FGF13: variants seen among roughly 807,000 people sequenced by gnomAD.
FGF13 encodes the protein fibroblast growth factor 13, also known as fibroblast growth factor homologous factor 2.
Under a neutral mutation model 19.5 loss-of-function variants are expected in FGF13, and 2 were observed. That is an observed-to-expected ratio of 0.10 (90% CI 0.04 to 0.32). The LOEUF (loss-of-function observed/expected upper bound fraction) is 0.32. Ranked by LOEUF, FGF13 falls within the 10% of genes least tolerant of loss-of-function variation. The pLI, the probability that FGF13 is intolerant of heterozygous loss-of-function variation, is 1.00. For synonymous variants in FGF13, 72 were observed against 76.9 expected (o/e 0.94, Z 0.33); for missense variants, 113 against 192.7 (o/e 0.59, Z 2.45).
At chrX:138,860,316 G>T (rs1270639085) in intron 2 of FGF13, among the ~76,000 whole-genome samples, 1 of 111,529 alleles carries the variant, frequency 9.0e-6, no homozygotes, top group East Asian at 2.8e-4. Context: ...GACTCCAGCA[G>T]TAAGATAGGT....
At chrX:139,028,562 G>T (rs1266493876) in intron 1 of FGF13, among the ~76,000 whole-genome samples, 1 of 93,685 alleles carries the variant, frequency 1.1e-5, no homozygotes, top group African/African-American at 3.7e-5. Flanking sequence ...AGTTAAGGCA[G>T]AAGAGAGAGG....
intron 1 of FGF13, among the ~76,000 whole-genome samples, chrX:139,083,796 G>A (rs1000994451): frequency 7.2e-5 from 8 of 111,426 alleles, no homozygotes; most frequent in African/African-American, 2.6e-4. Flanking sequence ...GCTTGAACCA[G>A]GGAGTCAGAG....
intron 3 of FGF13, among the ~76,000 whole-genome samples, chrX:138,655,877 A>C (rs1008900195): frequency 8.9e-6 from 1 of 111,833 alleles, no homozygotes; most frequent in Middle Eastern, 4.2e-3. Flanking sequence ...TCAGAGGGTA[A>C]CTGGAGAATA....
At chrX:138,757,313 G>C (rs1010374725) in intron 3 of FGF13, among the ~76,000 whole-genome samples, 2 of 109,606 alleles carry the variant, frequency 1.8e-5, no homozygotes, top group Non-Finnish European at 3.8e-5. Flanking sequence ...AATTCCAAGT[G>C]GCATGCAATT....
At chrX:139,141,575 G>T (rs1478389245) in intron 1 of FGF13, among the ~76,000 whole-genome samples, 5 of 111,433 alleles carry the variant, frequency 4.5e-5, no homozygotes, top group African/African-American at 1.6e-4. Context: ...CTACTGATAA[G>T]CCTTCACACA....
chrX:138,711,380 C>CA lies in FGF13; in HGVS notation c.-378_-377insT. The CA allele has an allele frequency of 4.4e-6, 2 of 456,767 alleles. 1 individual carries two copies. Among genetic ancestry groups the CA allele is most frequent in the Non-Finnish European group, 4.8e-6 (2 of 412,692 alleles). 37.6% of individuals were successfully genotyped at this position (456,767 alleles called of 1,213,427 possible). ...CTGCTCCGGTCCGAATTTCGCCGGA[C>CA]CCCCTCGCCCTGTTGCCCTTCTGAT... On this transcript the variant is annotated 5_prime_UTR_variant, in exon 1 of 5. Coordinates refer to ENST00000315930, the MANE Select transcript of FGF13 (RefSeq NM_004114.5).
chrX:139,176,797 T>A (rs188196126), intron 1 of FGF13, among the ~76,000 whole-genome samples: 58 of 112,177 alleles, frequency 5.2e-4, no homozygotes, highest in African/African-American at 1.8e-3. Context: ...ATTTCCATTC[T>A]TTTGCATTTG....
chrX:138,796,213 C>A (rs1412046727), intron 3 of FGF13, among the ~76,000 whole-genome samples: 2 of 110,447 alleles, frequency 1.8e-5, no homozygotes, highest in Non-Finnish European at 3.8e-5. Context: ...CAAGGCTCTC[C>A]CTCCCCTTGT....
At chrX:139,045,059 T>C (rs1357642968) in intron 1 of FGF13, among the ~76,000 whole-genome samples, 4 of 112,425 alleles carry the variant, frequency 3.6e-5, no homozygotes, top group Non-Finnish European at 7.5e-5. Flanking sequence ...CCCAGGCTTT[T>C]TTCATACATC....
In FGF13 at chrX:138,799,950, T is replaced by G. The variant is rs1444491480; in HGVS notation, c.217+57562A>C. 3.6e-5 allele frequency among the ~76,000 whole-genome samples: 4 copies of G among 111,607 alleles called. No homozygotes were observed. In the East Asian group the frequency reaches 1.1e-3, roughly 32 times the overall value. Reference sequence around the variant, plus strand: ...GCTTGGTAATTATTCCTCCATCCCTTTATTTTGAGCCTGTTTCTTTGTACA... The same window carrying G: ...GCTTGGTAATTATTCCTCCATCCCTGTATTTTGAGCCTGTTTCTTTGTACA... On this transcript the variant is annotated intron_variant, in intron 3 of 6. Coordinates refer to the FGF13 transcript ENST00000436198.
At chrX:138,642,478 T>C (rs941636022) in intron 3 of FGF13, among the ~76,000 whole-genome samples, 1 of 111,235 alleles carries the variant, frequency 9.0e-6, no homozygotes, top group Non-Finnish European at 1.9e-5. Context: ...AATGAGATGA[T>C]CTAGGGTGAA....
intron 3 of FGF13, among the ~76,000 whole-genome samples, chrX:138,690,026 G>A (rs993619968): frequency 1.8e-5 from 2 of 111,682 alleles, no homozygotes; most frequent in African/African-American, 6.5e-5. Flanking sequence ...ATAATGAGTT[G>A]GCCAGGTCGC....
intron 3 of FGF13, among the ~76,000 whole-genome samples, chrX:138,783,475 A>G (rs2090664564): frequency 1.0e-5 from 1 of 98,958 alleles, no homozygotes; most frequent in African/African-American, 3.7e-5. Context: ...CAAGAAAAAA[A>G]CAAACAACCC....
intron 1 of FGF13, among the ~76,000 whole-genome samples, chrX:138,718,869 T>C (rs972599691): frequency 1.8e-5 from 2 of 112,389 alleles, no homozygotes; most frequent in Admixed American, 9.4e-5. Context: ...GTGATAACAC[T>C]CAATAAATAC....
At chrX:138,636,247 C>T (rs1261825934) in intron 3 of FGF13, among the ~76,000 whole-genome samples, 1 of 111,214 alleles carries the variant, frequency 9.0e-6, no homozygotes, top group Non-Finnish European at 1.9e-5. Context: ...GAAAAATTCC[C>T]CCCTCACCCC....
intron 3 of FGF13, among the ~76,000 whole-genome samples, chrX:138,661,479 T>C (rs1255496391): frequency 1.8e-5 from 2 of 111,916 alleles, no homozygotes; most frequent in Non-Finnish European, 3.8e-5. Context: ...AATGAAAACA[T>C]TTCACTGTGA....
chrX:138,955,836 G>T (rs1041443692), intron 1 of FGF13, among the ~76,000 whole-genome samples: 6 of 112,008 alleles, frequency 5.4e-5, no homozygotes, highest in Admixed American at 1.9e-4. Context: ...TAAGAAAGGG[G>T]TCTGTGCACT....
chrX:139,036,651 C>A (rs1438065367), intron 1 of FGF13, among the ~76,000 whole-genome samples: 1 of 111,198 alleles, frequency 9.0e-6, no homozygotes. Context: ...CATTTTCACA[C>A]TGCTGATAAA....
At chrX:139,044,511 A>C (rs1489753142) in intron 1 of FGF13, among the ~76,000 whole-genome samples, 1 of 111,473 alleles carries the variant, frequency 9.0e-6, no homozygotes, top group Non-Finnish European at 1.9e-5. Context: ...AGGGCTTACA[A>C]TTCAACGTAA....
Sources: allele counts gnomAD v4.1 joint callset (sites outside exome capture counted in the v4.1 genomes callset), GRCh38; gene constraint gnomAD v4.1.1; transcripts MANE v1.5; gene names NCBI Gene and HGNC (gene_info 2026-07-23, HGNC 2026-07-21).